Variants in PPP1R1C observed in about 807,000 individuals in gnomAD.
PPP1R1C encodes the protein protein phosphatase 1 regulatory subunit 1C.
In PPP1R1C, 15 loss-of-function variants were observed where a neutral mutation model predicts 17.4. That is an observed-to-expected ratio of 0.86 (90% confidence interval 0.58 to 1.33). The LOEUF (loss-of-function observed/expected upper bound fraction) is 1.33, where lower values mean the gene tolerates loss of function less well. Among genes scored for constraint, PPP1R1C ranks in the 40% most tolerant of loss-of-function variants. The pLI is 0.00. For synonymous variants in PPP1R1C, 35 were observed against 43.1 expected (o/e 0.81, Z 0.73); for missense variants, 143 against 130.0 (o/e 1.10, Z -0.48).
chr2:182,017,896 T>C (rs2125160544), intron 2 of PPP1R1C, among the ~76,000 whole-genome samples: 1 of 152,252 alleles, frequency 6.6e-6, no homozygotes, highest in Middle Eastern at 3.4e-3. Context: ...AAGATCATAC[T>C]TTTTTGTTTT....
At chr2:182,000,337 G>A (rs1685726876) in intron 2 of PPP1R1C, among the ~76,000 whole-genome samples, 1 of 152,092 alleles carries the variant, frequency 6.6e-6, no homozygotes, top group Non-Finnish European at 1.5e-5. Context: ...TGATTGTTGG[G>A]TAGGAAAGGT....
Position 182,061,471 on chromosome 2 carries a change from C to A in PPP1R1C, c.172C>A (p.Gln58Lys), listed in dbSNP as rs766391311. 6.8e-7 allele frequency: 1 copy of A among 1,465,002 alleles called. No homozygotes were observed. Among genetic ancestry groups the A allele is most frequent in the Non-Finnish European group, 9.0e-7 (1 of 1,110,372 alleles). The allele number at this position is 1,465,002 out of a possible 1,614,324, so 90.8% of individuals were successfully genotyped here. ...EIDDKRGPNT[Q>K]GELQNASPKQ... ...AGATGACAAGAGGGGGCCCAACACA[C>A]AAGGGGAAGTAAGTTTTTAAAAATA... The change falls in exon 3 of 5, where the codon CAA (glutamine) becomes AAA (lysine). Residue 58 changes from glutamine to lysine, a missense_variant. Transcript: ENST00000682840.
At chr2:182,045,728 A>T (rs1687323025) in intron 2 of PPP1R1C, among the ~76,000 whole-genome samples, 1 of 152,170 alleles carries the variant, frequency 6.6e-6, no homozygotes, top group Non-Finnish European at 1.5e-5. Flanking sequence ...CAATGGTTAT[A>T]TCTACACAGT....
intron 4 of PPP1R1C, among the ~76,000 whole-genome samples, chr2:182,079,792 C>T (rs2125212265): frequency 6.6e-6 from 1 of 152,268 alleles, no homozygotes; most frequent in Non-Finnish European, 1.5e-5. Flanking sequence ...CTTCCAGTTT[C>T]TGGTGGCCCC....
intron 4 of PPP1R1C, among the ~76,000 whole-genome samples, chr2:182,088,533 G>C (rs1313429462): frequency 6.6e-6 from 1 of 152,190 alleles, no homozygotes; most frequent in Non-Finnish European, 1.5e-5. Context: ...ATCAGAGTTT[G>C]TGGGTAGCAG....
At chr2:181,991,624 T>C (rs1231630518) in intron 2 of PPP1R1C, among the ~76,000 whole-genome samples, 8 of 152,142 alleles carry the variant, frequency 5.3e-5, no homozygotes, top group African/African-American at 1.7e-4. Context: ...AAAACTGAGA[T>C]AGGGGAAGTA....
At position 181,962,122 on chromosome 2, in the gene PPP1R1C, C is replaced by G. The variant is rs1684809628; in HGVS notation, n.111+7488C>G. 4 of 726,828 alleles carry G rather than the reference C, an allele frequency of 5.5e-6. No individual in the cohort carries two copies. The East Asian group carries it at 1.1e-4, about 19-fold the overall frequency. 45.0% of individuals were successfully genotyped at this position (726,828 alleles called of 1,614,324 possible). On this transcript the variant is annotated intron_variant and non_coding_transcript_variant, in intron 1 of 5. Coordinates refer to the PPP1R1C transcript ENST00000464264. The surrounding 1 kb of genome is among the most constrained non-coding windows in gnomAD (Gnocchi z 6.0). ...GACTCCAGTCTCTGACCTGGAGTCC[C>G]TTCTTCTCCAGGTGCTCCCGGATTT...
At chr2:182,085,094 C>T (rs1688587549) in intron 4 of PPP1R1C, among the ~76,000 whole-genome samples, 1 of 151,882 alleles carries the variant, frequency 6.6e-6, no homozygotes, top group Admixed American at 6.6e-5. Context: ...TACATTGCAT[C>T]ATATAGTGAT....
intron 4 of PPP1R1C, among the ~76,000 whole-genome samples, chr2:182,101,238 G>T (rs1689090714): frequency 6.6e-6 from 1 of 152,170 alleles, no homozygotes; most frequent in African/African-American, 2.4e-5. Context: ...AAAGAATTGT[G>T]TTCCCAAAAT....
chr2:182,036,370 C>T (rs1226589677), intron 2 of PPP1R1C, among the ~76,000 whole-genome samples: 1 of 152,152 alleles, frequency 6.6e-6, no homozygotes, highest in Non-Finnish European at 1.5e-5. Flanking sequence ...ATGCTTAGCA[C>T]AGTCCTGATA....
At chr2:182,032,714 GC>G (rs1253409602) in intron 2 of PPP1R1C, among the ~76,000 whole-genome samples, 2 of 152,108 alleles carry the variant, frequency 1.3e-5, no homozygotes, top group East Asian at 3.9e-4. Flanking sequence ...ATTATACAAT[GC>G]CAGAGGTTCA....
chr2:182,039,478 C>T (rs552195492), intron 2 of PPP1R1C, among the ~76,000 whole-genome samples: 79 of 152,176 alleles, frequency 5.2e-4, no homozygotes, highest in African/African-American at 1.5e-3. Flanking sequence ...TTGACCTCCC[C>T]GACTCAGGTA....
At chr2:182,119,438 G>C (rs1689675458), downstream of PPP1R1C, among the ~76,000 whole-genome samples, 1 of 152,254 alleles carries the variant, frequency 6.6e-6, no homozygotes, top group African/African-American at 2.4e-5. Context: ...GGATGGCTGG[G>C]TCAAATGGTA....
intron 2 of PPP1R1C, among the ~76,000 whole-genome samples, chr2:182,060,182 C>T (rs1687809768): frequency 6.6e-6 from 1 of 152,036 alleles, no homozygotes; most frequent in Non-Finnish European, 1.5e-5. Flanking sequence ...TACAATGTAT[C>T]AGAAGTTTCC....
At chr2:181,994,207 AAGG>A (rs1685551246) in intron 2 of PPP1R1C, among the ~76,000 whole-genome samples, 2 of 152,106 alleles carry the variant, frequency 1.3e-5, no homozygotes, top group African/African-American at 4.8e-5. Context: ...GGTTTTTCAT[AAGG>A]TTATGAAAAA....
At chr2:182,041,014 C>G (rs1046127662) in intron 2 of PPP1R1C, among the ~76,000 whole-genome samples, 1 of 152,074 alleles carries the variant, frequency 6.6e-6, no homozygotes, top group Non-Finnish European at 1.5e-5. Context: ...GTCTAGGTGT[C>G]TACTTTTATA....
intron 2 of PPP1R1C, among the ~76,000 whole-genome samples, chr2:182,022,780 G>A (rs554115442): frequency 3.0e-4 from 46 of 152,234 alleles, no homozygotes; most frequent in African/African-American, 1.1e-3. Context: ...AAGAATAAGT[G>A]TATCTCCCTT....
chr2:181,962,463 G>A lies in PPP1R1C; in HGVS notation n.111+7829G>A, dbSNP rs1684817893. ...AGGTAGTTGGTGGAGAAGATGGAGC[G>A]AGTGGTGAAGCTCATGCTATCCAGG... On this transcript the variant is annotated intron_variant and non_coding_transcript_variant, in intron 1 of 5. Coordinates refer to the PPP1R1C transcript ENST00000464264. The surrounding 1 kb of genome is among the most constrained non-coding windows in gnomAD (Gnocchi z 6.0). 3 of 701,448 alleles carry A rather than the reference G, an allele frequency of 4.3e-6. No individual in the cohort carries two copies. The highest frequency in any genetic ancestry group is 2.9e-5 in the East Asian group (1 of 34,748). 43.5% of individuals were successfully genotyped at this position (701,448 alleles called of 1,614,324 possible).
chr2:182,041,311 A>G (rs1418680784), intron 2 of PPP1R1C, among the ~76,000 whole-genome samples: 2 of 152,182 alleles, frequency 1.3e-5, no homozygotes, highest in Non-Finnish European at 2.9e-5. Flanking sequence ...CACTTCTCTT[A>G]CTAAAAATTG....
Sources: allele counts gnomAD v4.1 joint callset (sites outside exome capture counted in the v4.1 genomes callset), GRCh38; gene constraint gnomAD v4.1.1; non-coding constraint Gnocchi (gnomAD v3.1); transcripts MANE v1.5; gene names NCBI Gene and HGNC (gene_info 2026-07-23, HGNC 2026-07-21).